The following MYLIP variants were observed in gnomAD, a reference collection of about 807,000 sequenced individuals.
The protein encoded by MYLIP is E3 ubiquitin-protein ligase MYLIP.
A neutral mutation model predicts 45.8 loss-of-function variants in MYLIP; 26 were observed. The observed-to-expected ratio is 0.57, with a 90% CI of 0.42 to 0.79. The LOEUF (loss-of-function observed/expected upper bound fraction) is 0.79, where lower values mean the gene tolerates loss of function less well. Ranked by LOEUF, MYLIP falls within the 30% of genes least tolerant of loss-of-function variation. The pLI is 0.00. For missense variants in MYLIP, 494 were observed against 555.6 expected (o/e 0.89, Z 1.11); for synonymous variants, 213 against 218.1 (o/e 0.98, Z 0.21).
downstream of MYLIP, among the ~76,000 whole-genome samples, chr6:16,151,260 G>A (rs1270916914): frequency 2.6e-5 from 4 of 151,866 alleles, no homozygotes; most frequent in Non-Finnish European, 5.9e-5. Context: ...AGGAGGCTGA[G>A]GCAGGAGAAT....
intron 2 of MYLIP, among the ~76,000 whole-genome samples, chr6:16,135,743 G>GTATATATATATATATATATATA (rs1159042665): frequency 2.1e-5 from 2 of 94,940 alleles, no homozygotes; most frequent in Admixed American, 1.3e-4. Flanking sequence ...ATATGTGTGT[G>GTATATATATATATATATATATA]TATACATATA....
At chr6:16,143,563 T>C in intron 4 of MYLIP, 136 bp from the exon 5 acceptor site, 1 of 872,346 alleles carries the variant, frequency 1.1e-6, no homozygotes, top group Non-Finnish European at 1.7e-6. Context: ...GGCAGCATTA[T>C]GGTGATGTGA....
At chr6:16,143,348 C>T in intron 4 of MYLIP, 131 bp downstream of exon 4, 1 of 924,026 alleles carries the variant, frequency 1.1e-6, no homozygotes, top group South Asian at 1.6e-5. Flanking sequence ...TTGGTATGTA[C>T]ATTAATTTTA....
chr6:16,135,996 A>G (rs1233042561), intron 2 of MYLIP, among the ~76,000 whole-genome samples: 3 of 151,776 alleles, frequency 2.0e-5, no homozygotes, highest in Admixed American at 2.0e-4. Context: ...ATGCATTTCA[A>G]AATAAGTTGT....
rs1759766752 is a variant in MYLIP at position 16,145,286 on chromosome 6, T to C, written c.1217T>C (p.Val406Ala). ...ACCTTCTGTCCCTGTGGCCACACTG[T>C]GTGCTGTGAGAGCTGCGCCGCCCAG... ...NSTFCPCGHT[V>A]CCESCAAQLQ... The change falls in exon 6 of 7, where the codon GTG (valine) becomes GCG (alanine). Residue 406 changes from valine to alanine, a missense_variant. Physicochemically the swap from Val to Ala is moderately conservative, Grantham distance 64. Coordinates refer to ENST00000356840, the MANE Select transcript of MYLIP (RefSeq NM_013262.4). 6.2e-7 allele frequency: 1 copy of C among 1,603,728 alleles called. No homozygotes were observed. The highest frequency in any genetic ancestry group is 8.5e-7 in the Non-Finnish European group (1 of 1,172,410).
At chr6:16,154,301 G>T in the MYLIP span, among the ~76,000 whole-genome samples, 1 of 152,022 alleles carries the variant, frequency 6.6e-6, no homozygotes, top group Admixed American at 6.5e-5. Context: ...TCTCCCCTCT[G>T]GTATTTAACC....
chr6:16,137,762 C>T (rs886147255), intron 2 of MYLIP, among the ~76,000 whole-genome samples: 11 of 151,998 alleles, frequency 7.2e-5, no homozygotes, highest in Admixed American at 5.2e-4. Flanking sequence ...CATTCCTTAA[C>T]ATTGTAAGAA....
chr6:16,133,241 G>A (rs1214146485), intron 2 of MYLIP, among the ~76,000 whole-genome samples: 2 of 152,140 alleles, frequency 1.3e-5, no homozygotes, highest in African/African-American at 4.8e-5. Flanking sequence ...CTGAAGAGAT[G>A]GTTTCTAAAT....
chr6:16,137,322 G>T (rs569058321), intron 2 of MYLIP, among the ~76,000 whole-genome samples: 2 of 152,280 alleles, frequency 1.3e-5, no homozygotes, highest in African/African-American at 4.8e-5. Context: ...ATTGGACTGA[G>T]GCAGGCTGGC....
chr6:16,129,166 G>T lies in MYLIP; in HGVS notation c.-157G>T. ...GCGGGTGAGGGGGTGGCGGGGACGC[G>T]AGTGGCGGCCGCGGGGCCCCGGACA... On this transcript the variant is annotated 5_prime_UTR_variant, in exon 1 of 7. Coordinates refer to ENST00000356840, the MANE Select transcript of MYLIP (RefSeq NM_013262.4). The surrounding 1 kb of genome is among the most constrained non-coding windows in gnomAD (Gnocchi z 5.1). 1.4e-6 allele frequency: 1 copy of T among 692,628 alleles called. No individual in the cohort carries two copies. Among genetic ancestry groups the T allele is most frequent in the Non-Finnish European group, 2.4e-6 (1 of 423,006 alleles). 42.9% of individuals were successfully genotyped at this position (692,628 alleles called of 1,614,324 possible).
intron 2 of MYLIP, among the ~76,000 whole-genome samples, chr6:16,131,370 G>T (rs958621228): frequency 6.6e-6 from 1 of 152,202 alleles, no homozygotes; most frequent in African/African-American, 2.4e-5. Flanking sequence ...GGTGAGTATA[G>T]ATTGAATTTA....
chr6:16,161,068 T>C, the MYLIP span: 1 of 156,644 alleles, frequency 6.4e-6, no homozygotes, highest in Admixed American at 6.5e-5. Context: ...CAGGGTCTCA[T>C]GGGGGGAGAC....
At chr6:16,143,975 T>A in intron 5 of MYLIP, 112 bp downstream of exon 5, 3 of 1,222,414 alleles carry the variant, frequency 2.5e-6, no homozygotes, top group Non-Finnish European at 3.4e-6. Flanking sequence ...TAGTACAGAA[T>A]TTAAGAAATT....
chr6:16,145,400 G>A lies in MYLIP; in HGVS notation c.1248+83G>A, dbSNP rs1192481456. The A allele has an allele frequency of 6.0e-5, 86 of 1,430,848 alleles. 1 individual carries two copies. The South Asian group carries it at 1.1e-3, about 18-fold the overall frequency. The allele number at this position is 1,430,848 out of a possible 1,614,324, so 88.6% of individuals were successfully genotyped here. A position where few individuals can be genotyped will look rare whatever the true frequency, so the allele number is the denominator to read the frequency against. On this transcript the variant is annotated intron_variant, in intron 6 of 6. Transcript: ENST00000356840. The stretch of plus-strand genomic sequence containing the variant: ...GGGAGTAGGAGCCAGGTACTGGCTC[G>A]CTAATGCACAGACGGGGAATGCCCA...
intron 3 of MYLIP, among the ~76,000 whole-genome samples, chr6:16,142,579 CTG>C (rs996822660): frequency 6.6e-6 from 1 of 152,230 alleles, no homozygotes; most frequent in African/African-American, 2.4e-5. Context: ...AGGTAGAACT[CTG>C]TCTCATCTGA....
intron 3 of MYLIP, 75 bp from the exon 4 acceptor site, chr6:16,142,945 C>T (rs969601931): frequency 2.0e-5 from 28 of 1,413,176 alleles, no homozygotes; most frequent in East Asian, 5.0e-5. Context: ...ATATTTCACT[C>T]GTGAAGACTA....
the MYLIP span, among the ~76,000 whole-genome samples, chr6:16,155,120 G>A: frequency 6.6e-6 from 1 of 152,078 alleles, no homozygotes; most frequent in South Asian, 2.1e-4. Context: ...GAAAGAACAA[G>A]AGCTGTGGGC....
the MYLIP span, among the ~76,000 whole-genome samples, chr6:16,155,044 G>A: frequency 3.3e-5 from 5 of 152,128 alleles, no homozygotes; most frequent in African/African-American, 2.4e-5. Flanking sequence ...GAGTTTCCAT[G>A]TTATTACTCA....
At chr6:16,161,252 A>G in the MYLIP span, 2 of 353,140 alleles carry the variant, frequency 5.7e-6, no homozygotes, top group Non-Finnish European at 1.1e-5. Context: ...ACACCCGTGA[A>G]ATACACCCAG....
Sources: gnomAD v4.1 joint callset for allele counts (sites outside exome capture counted in the v4.1 genomes callset) on GRCh38, gnomAD v4.1.1 for gene constraint, Gnocchi (gnomAD v3.1) non-coding constraint, MANE v1.5 for transcripts, NCBI Gene and HGNC (gene_info 2026-07-23, HGNC 2026-07-21) for gene names.